N4BP2: variants seen among roughly 807,000 people sequenced by gnomAD.
N4BP2 encodes the protein NEDD4 binding protein 2, also known as NEDD4-binding protein 2.
A neutral mutation model predicts 152.8 loss-of-function variants in N4BP2; 91 were observed. The observed-to-expected ratio is 0.60, with a 90% confidence interval of 0.50 to 0.71. N4BP2 has a LOEUF of 0.71. Among genes scored for constraint, N4BP2 ranks in the 30% least tolerant of loss-of-function variants. N4BP2 has a pLI of 0.00. For missense variants in N4BP2, 1,923 were observed against 2,059.1 expected, an observed-to-expected ratio of 0.93 and a Z score of 1.28; for synonymous variants, 646 against 705.3, an observed-to-expected ratio of 0.92 and a Z score of 1.33.
chr4:40,146,460 A>G (rs1388661593), intron 16 of N4BP2, among the ~76,000 whole-genome samples: 2 of 152,206 alleles, frequency 1.3e-5, no homozygotes, highest in Non-Finnish European at 2.9e-5. Flanking sequence ...TGAGCCAGTG[A>G]TGATCATGTT....
intron 14 of N4BP2, 47 bp downstream of exon 14, chr4:40,137,129 T>C (rs1719481225): frequency 7.1e-7 from 1 of 1,414,342 alleles, no homozygotes; most frequent in Non-Finnish European, 9.7e-7. Context: ...TAATTGCATA[T>C]AAAAATATAA....
intron 2 of N4BP2, among the ~76,000 whole-genome samples, chr4:40,092,015 TATATATATA>T (rs1714639626): frequency 1.1e-5 from 1 of 87,154 alleles, no homozygotes; most frequent in African/African-American, 4.5e-5. Flanking sequence ...AAATTATATA[TATATATATA>T]TATATATATA....
intron 12 of N4BP2, among the ~76,000 whole-genome samples, chr4:40,127,724 G>A (rs1487892235): frequency 1.3e-5 from 2 of 151,980 alleles, no homozygotes; most frequent in Admixed American, 6.5e-5. Flanking sequence ...GCAGTGGTGC[G>A]ATCTTGGCTC....
chr4:40,166,161 T>C, the N4BP2 span, among the ~76,000 whole-genome samples: 2 of 152,314 alleles, frequency 1.3e-5, no homozygotes, highest in African/African-American at 4.8e-5. Context: ...AATATTGGAA[T>C]CTTTTTCTTT....
intron 2 of N4BP2, among the ~76,000 whole-genome samples, chr4:40,077,306 C>G (rs1712848678): frequency 1.3e-5 from 2 of 151,234 alleles, no homozygotes; most frequent in African/African-American, 4.9e-5. Flanking sequence ...TACCACCATG[C>G]CTGGCTGTTT....
Position 40,120,999 on chromosome 4 carries a change from G to A in N4BP2, c.2888G>A (p.Cys963Tyr), listed in dbSNP as rs1717850129. 6.2e-7 allele frequency: 1 copy of A among 1,614,016 alleles called. No homozygotes were observed. The highest frequency in any genetic ancestry group is 1.7e-5 in the Admixed American group (1 of 60,008). Residue 963 changes from cysteine to tyrosine, a missense_variant, in exon 9 of 18, where the codon TGT becomes TAT. Transcript: ENST00000261435. ...GAAATGACCTGTGAGAGTCAGACTTGTCTAAGTAAAAAGAGTCATGGGCAA... is the reference window on the plus strand; with the variant it reads ...GAAATGACCTGTGAGAGTCAGACTTATCTAAGTAAAAAGAGTCATGGGCAA... The part of the protein sequence containing the change: ...LSEMTCESQT[C>Y]LSKKSHGQHT...
the N4BP2 span, among the ~76,000 whole-genome samples, chr4:40,171,316 G>T: frequency 6.6e-6 from 1 of 152,138 alleles, no homozygotes; most frequent in African/African-American, 2.4e-5. Context: ...AATACCACTG[G>T]CAGAAAGAGA....
Position 40,097,468 on chromosome 4 carries a change from C to T in N4BP2, c.128C>T (p.Thr43Ile). Residue 43 changes from threonine (T) to isoleucine (I), a missense_variant, in exon 3 of 18, where the codon ACA (threonine) becomes ATA (isoleucine). Thr to Ile is a moderately conservative substitution (Grantham distance 89). Transcript: ENST00000261435. ...ACTACTCTACCTTCCATGGGTGAGA[C>T]AAAAGTTGATCAGGAAGAACTCTTC... ...PTTTLPSMGE[T>I]KVDQEELFTS... 6.2e-7 allele frequency: 1 copy of T among 1,613,982 alleles called. No homozygotes were observed. Among genetic ancestry groups the T allele is most frequent in the Non-Finnish European group, 8.5e-7 (1 of 1,179,922 alleles).
chr4:40,172,501 AAGG>A, the N4BP2 span, among the ~76,000 whole-genome samples: 1 of 152,132 alleles, frequency 6.6e-6, no homozygotes, highest in African/African-American at 2.4e-5. Flanking sequence ...TCCTTATAAA[AAGG>A]AGGAATTTGG....
intron 16 of N4BP2, among the ~76,000 whole-genome samples, chr4:40,147,518 C>A (rs576300717): frequency 1.3e-5 from 2 of 149,480 alleles, no homozygotes; most frequent in South Asian, 2.1e-4. Context: ...ACCTCCCGGA[C>A]GGGGCGGCTG....
chr4:40,160,559 G>C (rs1721832074), downstream of N4BP2, among the ~76,000 whole-genome samples: 1 of 152,196 alleles, frequency 6.6e-6, no homozygotes, highest in Admixed American at 6.5e-5. Flanking sequence ...CAGTAGCTTA[G>C]GGGTATTGGA....
chr4:40,102,156 C>T lies in N4BP2; in HGVS notation c.311C>T (p.Ala104Val), dbSNP rs1460797508. ...GAATCATCTTCACAAAGTTTCGTTG[C>T]TTCTGAGAACCAAGTAGGTGCAGCA... ...IEESSSQSFV[A>V]SENQVGAAES... Residue 104 changes from alanine to valine, a missense_variant, in exon 4 of 18, where the codon GCT becomes GTT. Coordinates refer to ENST00000261435, the MANE Select transcript of N4BP2 (RefSeq NM_018177.6). The T allele has an allele frequency of 9.3e-6, 15 of 1,613,444 alleles. No homozygotes were observed. Among genetic ancestry groups the T allele is most frequent in the Non-Finnish European group, 1.2e-5 (14 of 1,179,674 alleles).
the N4BP2 span, among the ~76,000 whole-genome samples, chr4:40,185,030 A>G: frequency 1.3e-5 from 2 of 152,180 alleles, no homozygotes; most frequent in East Asian, 1.9e-4. Context: ...GTTTAATTTT[A>G]TAGCTTACTC....
the N4BP2 span, among the ~76,000 whole-genome samples, chr4:40,188,331 A>T: frequency 2.6e-5 from 4 of 152,338 alleles, no homozygotes; most frequent in Non-Finnish European, 5.9e-5. Context: ...TTTATTGCCC[A>T]TGTGGCCCTG....
At chr4:40,085,974 T>G (rs1271863687) in intron 2 of N4BP2, among the ~76,000 whole-genome samples, 2 of 150,228 alleles carry the variant, frequency 1.3e-5, no homozygotes. Context: ...TTGTTTTTTG[T>G]TTTTTTTTGA....
chr4:40,185,917 T>G, the N4BP2 span, among the ~76,000 whole-genome samples: 32,526 of 152,118 alleles, frequency 0.21, 3,765 homozygotes, highest in Non-Finnish European at 0.26. Context: ...CCTCTAATGA[T>G]CCTCAAGCAT....
intron 2 of N4BP2, among the ~76,000 whole-genome samples, chr4:40,077,054 T>G (rs759112996): frequency 2.0e-5 from 3 of 152,124 alleles, no homozygotes; most frequent in Non-Finnish European, 4.4e-5. Context: ...TTTGATGGTC[T>G]TAAGGAGCTA....
intron 2 of N4BP2, among the ~76,000 whole-genome samples, chr4:40,090,896 G>A (rs35923621): frequency 0.015 from 1,980 of 132,584 alleles, 16 homozygotes; most frequent in Non-Finnish European, 0.023. Context: ...TCACGCCATT[G>A]CACTCCAGCC....
chr4:40,183,826 T>C, the N4BP2 span, among the ~76,000 whole-genome samples: 6,820 of 152,332 alleles, frequency 0.045, 216 homozygotes, highest in Non-Finnish European at 0.072. Context: ...TGTGTCTCTC[T>C]GCAGTTTTTT....
Sources: allele counts gnomAD v4.1 joint callset (sites outside exome capture counted in the v4.1 genomes callset), GRCh38; gene constraint gnomAD v4.1.1; transcripts MANE v1.5; gene names NCBI Gene and HGNC (gene_info 2026-07-23, HGNC 2026-07-21).